PRR11: variants seen among roughly 807,000 people sequenced by gnomAD.
PRR11 encodes the protein proline-rich protein 11.
A neutral mutation model predicts 45.6 loss-of-function variants in PRR11; 30 were observed. That is an observed-to-expected ratio of 0.66 (90% CI 0.49 to 0.89). The LOEUF (loss-of-function observed/expected upper bound fraction) is 0.89, where lower values mean the gene tolerates loss of function less well. Ranked by LOEUF, PRR11 falls within the 40% of genes least tolerant of loss-of-function variation. PRR11 has a pLI of 0.00. For missense variants in PRR11, 373 were observed against 424.8 expected (o/e 0.88, Z 1.07); for synonymous variants, 128 against 153.5 (o/e 0.83, Z 1.23).
At chr17:59,181,593 C>T in intron 2 of PRR11, 5 of 1,372,828 alleles carry the variant, frequency 3.6e-6, no homozygotes, top group Non-Finnish European at 3.0e-6. Flanking sequence ...TCATTTTGAG[C>T]CCACACAGCA....
intron 2 of PRR11, 98 bp downstream of exon 2, chr17:59,169,978 T>C: frequency 7.1e-7 from 1 of 1,416,018 alleles, no homozygotes; most frequent in Non-Finnish European, 9.4e-7. Context: ...GCAGGCCGGG[T>C]GCAGTCATTC....
At chr17:59,178,644 CAGGTG>C in intron 2 of PRR11, 1 of 514,254 alleles carries the variant, frequency 1.9e-6, no homozygotes, top group South Asian at 1.4e-5. Context: ...ATTGCTGCCA[CAGGTG>C]AGGTGGATGG....
intron 1 of PRR11, chr17:59,160,796 C>T (rs545777761): frequency 6.6e-6 from 1 of 152,212 alleles, no homozygotes; most frequent in East Asian, 1.9e-4. Flanking sequence ...TACAGTGGCG[C>T]AGTCATGGGT....
intron 2 of PRR11, among the ~76,000 whole-genome samples, chr17:59,183,920 T>C (rs2046801063): frequency 6.6e-6 from 1 of 151,680 alleles, no homozygotes; most frequent in Non-Finnish European, 1.5e-5. Context: ...CAACATAGCA[T>C]GACCCCATCT....
At chr17:59,171,060 C>T (rs2046705659) in intron 2 of PRR11, among the ~76,000 whole-genome samples, 1 of 151,902 alleles carries the variant, frequency 6.6e-6, no homozygotes, top group African/African-American at 2.4e-5. Flanking sequence ...GAGATCGAGA[C>T]CATCCTGGCT....
chr17:59,156,487 A>G (rs2147828542), intron 1 of PRR11, among the ~76,000 whole-genome samples: 1 of 152,144 alleles, frequency 6.6e-6, no homozygotes, highest in South Asian at 2.1e-4. Context: ...AGAAGAATCA[A>G]TTGGACTGCT....
chr17:59,184,744 C>G (rs570391439), intron 2 of PRR11, among the ~76,000 whole-genome samples: 4 of 152,092 alleles, frequency 2.6e-5, no homozygotes, highest in African/African-American at 9.7e-5. Context: ...ATGTTCTGAC[C>G]CCATTAAAAG....
chr17:59,193,759 T>C (rs780880386), intron 5 of PRR11, 25 bp downstream of exon 5: 1 of 1,605,956 alleles, frequency 6.2e-7, no homozygotes, highest in Non-Finnish European at 8.5e-7. Flanking sequence ...AGTAATGATA[T>C]GTTTTGATAT....
At chr17:59,179,588 T>C in intron 2 of PRR11, 2 of 1,497,076 alleles carry the variant, frequency 1.3e-6, no homozygotes, top group Non-Finnish European at 1.8e-6. Context: ...GTGTGGTTAT[T>C]GGAAGTTTCC....
rs377222078 is a variant in PRR11 at position 59,195,366 on chromosome 17, T to A, written c.780T>A (p.Val260=). The change falls in exon 7 of 10, where the codon GTT becomes GTA. Residue 260 remains valine (V), a synonymous_variant. Transcript: ENST00000262293. ...CGCCGAAAGCACGGAATCCACTAGT[T>A]ACCGTCTCTGACTTGCAGCATGTTA... The part of the protein sequence containing the change: ...IPSPKARNPL[V]TVSDLQHVTL... 23 of 1,605,650 alleles carry A rather than the reference T, an allele frequency of 1.4e-5. No individual in the cohort carries two copies. Among genetic ancestry groups the A allele is most frequent in the Non-Finnish European group, 1.9e-5 (22 of 1,172,528 alleles).
At chr17:59,166,729 T>C (rs1264714964) in intron 1 of PRR11, among the ~76,000 whole-genome samples, 2 of 152,206 alleles carry the variant, frequency 1.3e-5, no homozygotes, top group Non-Finnish European at 2.9e-5. Context: ...TTTTATTCTC[T>C]TGATAATTCT....
rs901185119 is a variant in PRR11 at position 59,203,450 on chromosome 17, C to T, written c.*1819C>T. ...ATGTTGGCCAGGCTGGTCTTGAACT[C>T]CTCACCTCAGGTGATCCACCCATCT... On this transcript the variant is annotated 3_prime_UTR_variant, in exon 10 of 10. Transcript: ENST00000262293. 1 of 152,214 alleles carries T rather than the reference C, an allele frequency of 6.6e-6. No homozygotes were observed. The highest frequency in any genetic ancestry group is 1.5e-5 in the Non-Finnish European group (1 of 68,102). The allele number at this position is 152,214 out of a possible 1,614,324, so 9.4% of individuals were successfully genotyped here. A position where few individuals can be genotyped will look rare whatever the true frequency, so the allele number is the denominator to read the frequency against.
intron 2 of PRR11, chr17:59,177,317 G>T: frequency 1.8e-6 from 1 of 541,624 alleles, no homozygotes; most frequent in Non-Finnish European, 3.7e-6. Flanking sequence ...AGATCGTGGA[G>T]ACAGTGGAAT....
intron 4 of PRR11, among the ~76,000 whole-genome samples, chr17:59,190,779 G>C (rs532353038): frequency 6.6e-6 from 1 of 152,366 alleles, no homozygotes; most frequent in Non-Finnish European, 1.5e-5. Context: ...GGCAGCCTTA[G>C]ATTCTTATTC....
At chr17:59,184,825 C>G (rs935220210) in intron 2 of PRR11, among the ~76,000 whole-genome samples, 15 of 146,044 alleles carry the variant, frequency 1.0e-4, no homozygotes, top group Non-Finnish European at 2.1e-4. Context: ...CTTCTCTCTT[C>G]TGGCACACCA....
intron 4 of PRR11, among the ~76,000 whole-genome samples, chr17:59,188,442 A>G (rs774641668): frequency 2.6e-5 from 4 of 152,196 alleles, no homozygotes; most frequent in Admixed American, 6.5e-5. Context: ...AAAGTTATTT[A>G]TTGCGGTGTG....
intron 2 of PRR11, chr17:59,178,466 A>G: frequency 5.8e-6 from 3 of 517,112 alleles, no homozygotes; most frequent in Non-Finnish European, 1.2e-5. Flanking sequence ...GTGGAGAACA[A>G]ACTTACCTTG....
rs764230171 is a variant in PRR11, at chr17:59,201,533, T to C, written c.1015-30T>C. On this transcript the variant is annotated intron_variant, in intron 9 of 9. Transcript: ENST00000262293. ...GTACTTATCACAGGAATATAATTGATATTATAATTGGGACTTTTTTTTTTT... is the reference window on the plus strand; with the variant it reads ...GTACTTATCACAGGAATATAATTGACATTATAATTGGGACTTTTTTTTTTT... The C allele has an allele frequency of 6.1e-5, 97 of 1,586,244 alleles. No individual in the cohort carries two copies. The South Asian group carries it at 9.8e-4, about 16-fold the overall frequency.
At chr17:59,166,570 T>C (rs923313509) in intron 1 of PRR11, among the ~76,000 whole-genome samples, 1 of 152,172 alleles carries the variant, frequency 6.6e-6, no homozygotes, top group Non-Finnish European at 1.5e-5. Context: ...ATATATTTAA[T>C]GGTAATATAT....
Sources: allele counts gnomAD v4.1 joint callset (sites outside exome capture counted in the v4.1 genomes callset), GRCh38; gene constraint gnomAD v4.1.1; transcripts MANE v1.5; gene names NCBI Gene and HGNC (gene_info 2026-07-23, HGNC 2026-07-21).